The following SPATS2 variants were observed in gnomAD, a reference collection of about 807,000 sequenced individuals.
SPATS2 encodes the protein spermatogenesis associated serine rich 2.
In SPATS2, 38 loss-of-function variants were observed where a neutral mutation model predicts 63.7. The ratio of observed to expected loss-of-function variants is 0.60; its 90% CI spans 0.46 to 0.78. The LOEUF (loss-of-function observed/expected upper bound fraction) is 0.78, where lower values mean the gene tolerates loss of function less well. Ranked by LOEUF, SPATS2 falls within the 30% of genes least tolerant of loss-of-function variation. SPATS2 has a pLI of 0.00. For missense variants in SPATS2, 588 were observed against 666.2 expected, an observed-to-expected ratio of 0.88 and a Z score of 1.29; for synonymous variants, 207 against 232.9, an observed-to-expected ratio of 0.89 and a Z score of 1.01.
intron 2 of SPATS2, among the ~76,000 whole-genome samples, chr12:49,393,963 G>C (rs189507526): frequency 6.6e-6 from 1 of 152,086 alleles, no homozygotes; most frequent in Non-Finnish European, 1.5e-5. Flanking sequence ...GATTACATGC[G>C]TGAGCCACTG....
intron 2 of SPATS2, among the ~76,000 whole-genome samples, chr12:49,376,748 C>A (rs954974727): frequency 1.3e-4 from 15 of 118,878 alleles, no homozygotes; most frequent in African/African-American, 4.8e-4. Flanking sequence ...GACGGAGTCT[C>A]ACTCTGTCGC....
chr12:49,378,169 C>CA (rs1157608622), intron 2 of SPATS2, among the ~76,000 whole-genome samples: 1 of 151,984 alleles, frequency 6.6e-6, no homozygotes, highest in Non-Finnish European at 1.5e-5. Flanking sequence ...GATGGGGTTT[C>CA]ACCATGTTGG....
At chr12:49,479,745 AACTT>A (rs1281590588) in intron 3 of SPATS2, among the ~76,000 whole-genome samples, 1 of 152,198 alleles carries the variant, frequency 6.6e-6, no homozygotes, top group African/African-American at 2.4e-5. Context: ...GTTAGTACTC[AACTT>A]ACTTTATGTA....
At chr12:49,430,699 T>C (rs1194501711) in intron 2 of SPATS2, among the ~76,000 whole-genome samples, 4 of 151,996 alleles carry the variant, frequency 2.6e-5, no homozygotes. Flanking sequence ...GGTAAGGGTC[T>C]TATTTATTTT....
chr12:49,450,873 GTTT>G (rs936036160), intron 2 of SPATS2, among the ~76,000 whole-genome samples: 6 of 145,448 alleles, frequency 4.1e-5, no homozygotes, highest in African/African-American at 1.5e-4. Context: ...TTTGTTTTTT[GTTT>G]TTTTTTTCTT....
At chr12:49,387,521 C>T (rs1343489396) in intron 2 of SPATS2, among the ~76,000 whole-genome samples, 2 of 151,186 alleles carry the variant, frequency 1.3e-5, no homozygotes, top group Non-Finnish European at 2.9e-5. Context: ...CCTGTAATCC[C>T]AACTACTCGG....
At chr12:49,447,053 C>G (rs1945524962) in intron 2 of SPATS2, among the ~76,000 whole-genome samples, 1 of 151,762 alleles carries the variant, frequency 6.6e-6, no homozygotes, top group Non-Finnish European at 1.5e-5. Flanking sequence ...TTCAGCCTCC[C>G]AAGTAGCTAG....
chr12:49,390,698 G>A (rs1944403700), intron 2 of SPATS2, among the ~76,000 whole-genome samples: 1 of 152,072 alleles, frequency 6.6e-6, no homozygotes. Flanking sequence ...ATAGGAATGT[G>A]TTATATGTAC....
At chr12:49,454,893 A>AC (rs1945691581) in intron 2 of SPATS2, among the ~76,000 whole-genome samples, 1 of 151,444 alleles carries the variant, frequency 6.6e-6, no homozygotes, top group African/African-American at 2.4e-5. Flanking sequence ...AAAAAAAAAA[A>AC]AAAAACAGTC....
intron 6 of SPATS2, among the ~76,000 whole-genome samples, chr12:49,491,374 C>T (rs7976165): frequency 0.19 from 28,362 of 151,906 alleles, 3,630 homozygotes; most frequent in African/African-American, 0.37. Context: ...GATTTTTGGT[C>T]GGGCAACTGG....
intron 2 of SPATS2, among the ~76,000 whole-genome samples, chr12:49,439,652 A>C (rs1592397704): frequency 6.6e-6 from 1 of 152,122 alleles, no homozygotes; most frequent in Non-Finnish European, 1.5e-5. Context: ...AAGACTTGGG[A>C]AAGTGTATGC....
At chr12:49,390,157 A>G in intron 2 of SPATS2, 1 of 1,522,630 alleles carries the variant, frequency 6.6e-7, no homozygotes. Context: ...GAGTCTGAGG[A>G]AGAGCTGAAG....
In SPATS2 at chr12:49,525,978, A is replaced by G. The variant is rs202211804; in HGVS notation, c.1361A>G (p.Tyr454Cys). Residue 454 changes from tyrosine to cysteine, a missense_variant, in exon 14 of 14, where the codon TAT (tyrosine) becomes TGT (cysteine). Coordinates refer to ENST00000552918, the MANE Select transcript of SPATS2 (RefSeq NM_023071.4). Reference sequence around the variant, plus strand: ...GGGAACAGACGAGGAGGACAGGGCTATAGGCCACAAGGCCAAAAGTCCAAT... The same window carrying G: ...GGGAACAGACGAGGAGGACAGGGCTGTAGGCCACAAGGCCAAAAGTCCAAT... ...LPGNRRGGQG[Y>C]RPQGQKSNDP... is the part of the protein sequence containing the mutation. 119 of 1,614,286 alleles carry G rather than the reference A, an allele frequency of 7.4e-5. No homozygotes were observed. In the East Asian group the frequency reaches 8.7e-4, roughly 12 times the overall value.
chr12:49,389,721 A>C (rs1176924484), intron 2 of SPATS2: 2 of 1,548,788 alleles, frequency 1.3e-6, no homozygotes, highest in Non-Finnish European at 1.8e-6. Context: ...AGTTATGGGA[A>C]TCCAGCAAGA....
intron 2 of SPATS2, among the ~76,000 whole-genome samples, chr12:49,386,278 C>T (rs1445775484): frequency 6.6e-6 from 1 of 152,160 alleles, no homozygotes; most frequent in African/African-American, 2.4e-5. Context: ...CGTTCTCCTG[C>T]CTCAGCCTCC....
Position 49,467,044 on chromosome 12 carries a change from G to GTTTTTTTTTTTTTT in SPATS2, c.25+6020_25+6033dup, listed in dbSNP as rs59350335. Among the ~76,000 whole-genome samples, 4 of 75,778 alleles carry GTTTTTTTTTTTTTT rather than the reference G, an allele frequency of 5.3e-5. 1 individual carries two copies. The highest frequency in any genetic ancestry group is 1.5e-4 in the African/African-American group (3 of 19,604). The allele number at this position is 75,778 out of a possible 152,430, so 49.7% of individuals were successfully genotyped here. A position where few individuals can be genotyped will look rare whatever the true frequency, so the allele number is the denominator to read the frequency against. On this transcript the variant is annotated intron_variant, in intron 3 of 13. Transcript: ENST00000552918. ...TTTATTGTTAAATAATTTGTTCTTTGTTTTTTTTTTTTTTTTTTTTTTTTT... is the reference window on the plus strand; with the variant it reads ...TTTATTGTTAAATAATTTGTTCTTTGTTTTTTTTTTTTTTTTTTTTTTTTTTTTTTTTTTTTTTT...
intron 2 of SPATS2, among the ~76,000 whole-genome samples, chr12:49,430,702 T>C (rs1477501456): frequency 6.6e-6 from 1 of 152,000 alleles, no homozygotes; most frequent in Non-Finnish European, 1.5e-5. Flanking sequence ...AAGGGTCTTA[T>C]TTATTTTTAC....
chr12:49,471,752 T>A (rs1316265246), intron 3 of SPATS2, among the ~76,000 whole-genome samples: 1 of 152,210 alleles, frequency 6.6e-6, no homozygotes, highest in Non-Finnish European at 1.5e-5. Context: ...AAACTGAAAC[T>A]CTATACCCAT....
At chr12:49,523,884 G>A (rs369122564) in intron 12 of SPATS2, among the ~76,000 whole-genome samples, 6 of 151,908 alleles carry the variant, frequency 3.9e-5, no homozygotes, top group African/African-American at 9.7e-5. Flanking sequence ...CTCAGGAGGC[G>A]GAGTTTGCAG....
Sources: allele counts gnomAD v4.1 joint callset (sites outside exome capture counted in the v4.1 genomes callset), GRCh38; gene constraint gnomAD v4.1.1; transcripts MANE v1.5; gene names NCBI Gene and HGNC (gene_info 2026-07-23, HGNC 2026-07-21).